The following GNA14 variants were observed in gnomAD, a reference collection of about 807,000 sequenced individuals.
GNA14 encodes the protein guanine nucleotide-binding protein subunit alpha-14.
A neutral mutation model predicts 42.0 loss-of-function variants in GNA14; 50 were observed. The ratio of observed to expected loss-of-function variants is 1.19; its 90% CI spans 0.95 to 1.51. GNA14 has a LOEUF of 1.51. GNA14 is among the 40% of genes most tolerant of loss of function. GNA14 has a pLI of 0.00. For missense variants in GNA14, 473 were observed against 446.2 expected (o/e 1.06, Z -0.54); for synonymous variants, 173 against 163.1 (o/e 1.06, Z -0.46).
intron 1 of GNA14, among the ~76,000 whole-genome samples, chr9:77,628,296 A>C (rs958786980): frequency 6.6e-6 from 1 of 152,198 alleles, no homozygotes; most frequent in Non-Finnish European, 1.5e-5. Flanking sequence ...CAATAATGTG[A>C]AAATGGTCAT....
intron 2 of GNA14, among the ~76,000 whole-genome samples, chr9:77,478,907 A>C (rs1836487485): frequency 6.6e-6 from 1 of 151,956 alleles, no homozygotes; most frequent in African/African-American, 2.4e-5. Flanking sequence ...GTTGGAGTTC[A>C]TTGTAGATTC....
chr9:77,528,214 T>C (rs1393179937), intron 2 of GNA14, among the ~76,000 whole-genome samples: 1 of 152,324 alleles, frequency 6.6e-6, no homozygotes, highest in Middle Eastern at 3.4e-3. Flanking sequence ...CTAAAGCCCA[T>C]GCAATTCTGG....
intron 1 of GNA14, among the ~76,000 whole-genome samples, chr9:77,614,406 G>T (rs1359219441): frequency 6.6e-6 from 1 of 152,108 alleles, no homozygotes; most frequent in Non-Finnish European, 1.5e-5. Flanking sequence ...GTATCTGACA[G>T]TACCCCATTT....
chr9:77,558,929 C>CAAAAAAAA (rs796275094), intron 1 of GNA14, among the ~76,000 whole-genome samples: 1 of 144,844 alleles, frequency 6.9e-6, no homozygotes, highest in Non-Finnish European at 1.5e-5. Flanking sequence ...AAACAAAAAA[C>CAAAAAAAA]AAAAAAAAAA....
intron 1 of GNA14, among the ~76,000 whole-genome samples, chr9:77,553,299 T>C (rs916468400): frequency 1.3e-5 from 2 of 152,094 alleles, no homozygotes; most frequent in African/African-American, 4.8e-5. Context: ...GGAGAAACCA[T>C]GTGTGGCAGG....
chr9:77,610,015 C>G (rs183245304), intron 1 of GNA14, among the ~76,000 whole-genome samples: 78 of 152,248 alleles, frequency 5.1e-4, no homozygotes, highest in African/African-American at 1.6e-3. Context: ...AACACCACAC[C>G]CAGACTGGCT....
intron 5 of GNA14, among the ~76,000 whole-genome samples, chr9:77,425,993 G>C (rs893396220): frequency 2.0e-5 from 3 of 152,174 alleles, no homozygotes; most frequent in African/African-American, 7.2e-5. Context: ...AAGTAAGAAA[G>C]GCTTTGGTGC....
At chr9:77,625,079 A>G (rs915330247) in intron 1 of GNA14, among the ~76,000 whole-genome samples, 1 of 152,010 alleles carries the variant, frequency 6.6e-6, no homozygotes, top group Admixed American at 6.6e-5. Flanking sequence ...GATGGAGCTG[A>G]AGAACACAGA....
intron 1 of GNA14, among the ~76,000 whole-genome samples, chr9:77,626,502 A>G (rs988843776): frequency 2.0e-5 from 3 of 152,224 alleles, no homozygotes; most frequent in Non-Finnish European, 4.4e-5. Flanking sequence ...ACACCTCCTC[A>G]GCAAATGCAA....
chr9:77,432,179 G>A lies in GNA14; in HGVS notation c.465-730C>T, dbSNP rs188935535. Among the ~76,000 whole-genome samples the A allele has an allele frequency of 6.0e-5, 9 of 151,070 alleles. 1 individual carries two copies. The highest frequency in any genetic ancestry group is 1.9e-4 in the African/African-American group (8 of 41,122). On this transcript the variant is annotated intron_variant, in intron 3 of 6. Transcript: ENST00000341700. ...TAAAATAACTGTAACTCAGGCCCTC[G>A]CTAACAAAAGAGTTGTAGATGCAGA...
intron 1 of GNA14, among the ~76,000 whole-genome samples, chr9:77,529,668 C>T (rs778480025): frequency 3.3e-5 from 5 of 152,142 alleles, no homozygotes; most frequent in East Asian, 1.9e-4. Flanking sequence ...TTCAGATACA[C>T]AAATATTCTT....
chr9:77,535,341 A>G (rs1233204242), intron 1 of GNA14, among the ~76,000 whole-genome samples: 4 of 152,168 alleles, frequency 2.6e-5, no homozygotes, highest in African/African-American at 9.7e-5. Flanking sequence ...TCAGGAGATC[A>G]AGACCATCCT....
At chr9:77,565,370 T>C (rs1822951108) in intron 1 of GNA14, among the ~76,000 whole-genome samples, 1 of 152,206 alleles carries the variant, frequency 6.6e-6, no homozygotes, top group African/African-American at 2.4e-5. Flanking sequence ...ATGTTTTATA[T>C]TGATTACATG....
Position 77,434,382 on chromosome 9 carries a change from C to CT in GNA14, c.449_450insA (p.Asp151GlyfsTer9). 6.2e-7 allele frequency: 1 copy of CT among 1,613,434 alleles called. No individual in the cohort carries two copies. The highest frequency in any genetic ancestry group is 8.5e-7 in the Non-Finnish European group (1 of 1,179,802). ...TCTGTACTCACTATTTGGCAGAGTC[C>CT]GACAGCTGGTACTCCCTCCTCCTGT... is the stretch of plus-strand genomic sequence containing the variant. On this transcript the variant is annotated frameshift_variant, in exon 3 of 7. Coordinates refer to ENST00000341700, the MANE Select transcript of GNA14 (RefSeq NM_004297.4). LOFTEE classifies it high-confidence loss of function.
At chr9:77,591,245 A>G (rs1246576976) in intron 1 of GNA14, among the ~76,000 whole-genome samples, 19 of 152,216 alleles carry the variant, frequency 1.2e-4, no homozygotes, top group Non-Finnish European at 2.8e-4. Flanking sequence ...TACAGGCATG[A>G]GCCACCACAC....
chr9:77,448,628 G>T (rs780938675), intron 2 of GNA14, among the ~76,000 whole-genome samples: 2 of 151,996 alleles, frequency 1.3e-5, no homozygotes, highest in Admixed American at 1.3e-4. Flanking sequence ...CTGATAATTC[G>T]AATTAAATGC....
chr9:77,431,468 GGAACTGACTCTCC>G lies in GNA14; in HGVS notation c.465-32_465-20del. 2 of 1,586,196 alleles carry G rather than the reference GGAACTGACTCTCC, an allele frequency of 1.3e-6. No homozygotes were observed. The highest frequency in any genetic ancestry group is 1.7e-6 in the Non-Finnish European group (2 of 1,159,784). The stretch of plus-strand genomic sequence containing the variant: ...CAGGTAACTGTATATTAGAGAACGA[GGAACTGACTCTCC>G]TTTTAGAGCAGGGGGAAATGTCCAT... On this transcript the variant is annotated intron_variant, in intron 3 of 6. Coordinates refer to ENST00000341700, the MANE Select transcript of GNA14 (RefSeq NM_004297.4).
At chr9:77,633,079 C>T (rs1177319160) in intron 1 of GNA14, among the ~76,000 whole-genome samples, 1 of 152,154 alleles carries the variant, frequency 6.6e-6, no homozygotes, top group East Asian at 1.9e-4. Context: ...TGAGGATTCT[C>T]ATGTTACAAT....
At position 77,436,893 on chromosome 9, in the gene GNA14, A is replaced by G. The variant is rs568224009; in HGVS notation, c.310-2371T>C. On this transcript the variant is annotated intron_variant, in intron 2 of 6. Coordinates refer to ENST00000341700, the MANE Select transcript of GNA14 (RefSeq NM_004297.4). ...ACAAGACAGAAAATTATGACAAAAT[A>G]AGAGTGAAAGCATACTAGGGTGGGA... Among the ~76,000 whole-genome samples the G allele has an allele frequency of 3.9e-5, 6 of 152,336 alleles. No homozygotes were observed. In the South Asian group the frequency reaches 1.0e-3, roughly 26 times the overall value.
Sources: gnomAD v4.1 joint callset for allele counts (sites outside exome capture counted in the v4.1 genomes callset) on GRCh38, gnomAD v4.1.1 for gene constraint, MANE v1.5 for transcripts, NCBI Gene and HGNC (gene_info 2026-07-23, HGNC 2026-07-21) for gene names.